RBM33: variants seen among roughly 807,000 people sequenced by gnomAD.
The protein encoded by RBM33 is RNA binding motif protein 33.
A neutral mutation model predicts 132.6 loss-of-function variants in RBM33; 28 were observed. That is an observed-to-expected ratio of 0.21 (90% CI 0.16 to 0.29). RBM33 has a LOEUF of 0.29. Among genes scored for constraint, RBM33 ranks in the 10% least tolerant of loss-of-function variants. The pLI, the probability that RBM33 is intolerant of heterozygous loss-of-function variation, is 1.00. For missense variants in RBM33, 1,291 were observed against 1,518.5 expected (o/e 0.85, Z 2.49); for synonymous variants, 634 against 593.0 (o/e 1.07, Z -1.01).
chr7:155,660,755 T>C (rs1193459701), intron 1 of RBM33, among the ~76,000 whole-genome samples: 1 of 152,234 alleles, frequency 6.6e-6, no homozygotes, highest in Non-Finnish European at 1.5e-5. Context: ...TGTTGAGCCT[T>C]CTGGATGTAT....
chr7:155,710,910 T>A (rs1800265742), intron 7 of RBM33, among the ~76,000 whole-genome samples: 1 of 15,626 alleles, frequency 6.4e-5, no homozygotes, highest in Non-Finnish European at 1.8e-4. Flanking sequence ...TGAACTGAAT[T>A]TTTTTTTTTT....
chr7:155,673,776 A>AGTG (rs1799069276), intron 3 of RBM33, among the ~76,000 whole-genome samples: 2 of 144,072 alleles, frequency 1.4e-5, no homozygotes, highest in African/African-American at 5.4e-5. Flanking sequence ...GCGCACACAC[A>AGTG]CACACACACA....
intron 13 of RBM33, among the ~76,000 whole-genome samples, chr7:155,742,435 C>A (rs958342353): frequency 6.6e-6 from 1 of 152,136 alleles, no homozygotes; most frequent in African/African-American, 2.4e-5. Context: ...GTCATAATTA[C>A]CCTTCTCCGC....
intron 6 of RBM33, among the ~76,000 whole-genome samples, chr7:155,701,775 C>T (rs1193747611): frequency 6.6e-6 from 1 of 152,092 alleles, no homozygotes; most frequent in Admixed American, 6.5e-5. Context: ...GCAACCACCG[C>T]CTCCCAGGTT....
At chr7:155,667,843 T>G (rs993938754) in intron 2 of RBM33, among the ~76,000 whole-genome samples, 8 of 152,168 alleles carry the variant, frequency 5.3e-5, no homozygotes, top group African/African-American at 1.7e-4. Flanking sequence ...ATTGATTGAT[T>G]TTTAGTTACT....
intron 9 of RBM33, among the ~76,000 whole-genome samples, chr7:155,722,892 A>G (rs367616759): frequency 2.0e-5 from 3 of 152,338 alleles, no homozygotes; most frequent in South Asian, 2.1e-4. Flanking sequence ...GCAAATAGTG[A>G]TATTTCAGTT....
At chr7:155,751,434 T>G (rs1292642737) in intron 14 of RBM33, among the ~76,000 whole-genome samples, 1 of 152,258 alleles carries the variant, frequency 6.6e-6, no homozygotes, top group African/African-American at 2.4e-5. Context: ...TATTCAGATT[T>G]TATTCACTGG....
At chr7:155,657,704 G>A (rs929980227) in intron 1 of RBM33, among the ~76,000 whole-genome samples, 1 of 152,108 alleles carries the variant, frequency 6.6e-6, no homozygotes, top group African/African-American at 2.4e-5. Context: ...TGTCTGCCAT[G>A]GATGATTGTG....
Position 155,745,544 on chromosome 7 carries a change from G to A in RBM33, c.2921G>A (p.Gly974Asp). Residue 974 changes from glycine (G) to aspartate (D), a missense_variant, in exon 14 of 18, where the codon GGT (glycine) becomes GAT (aspartate). Transcript: ENST00000401878. This position sits in a 1 kb window ranked among gnomAD's most constrained non-coding sequence, Gnocchi z 4.1. ...KRTVTHRTNSGGGDGPHISSK... is the reference protein window; with the variant it reads ...KRTVTHRTNSDGGDGPHISSK... ...ACTGTCACGCACAGGACAAACAGTG[G>A]TGGTGGAGACGGGCCCCACATCAGC... The A allele has an allele frequency of 2.5e-6, 4 of 1,611,214 alleles. No individual in the cohort carries two copies. Among genetic ancestry groups the A allele is most frequent in the Non-Finnish European group, 2.5e-6 (3 of 1,178,620 alleles).
intron 3 of RBM33, among the ~76,000 whole-genome samples, chr7:155,675,901 TA>T (rs1799172125): frequency 6.6e-6 from 1 of 152,226 alleles, no homozygotes; most frequent in Non-Finnish European, 1.5e-5. Flanking sequence ...TACTACTTTT[TA>T]AAAAGAATCT....
chr7:155,695,009 C>T (rs1799751974), intron 5 of RBM33, among the ~76,000 whole-genome samples: 2 of 152,088 alleles, frequency 1.3e-5, no homozygotes, highest in South Asian at 2.1e-4. Flanking sequence ...ATTTGGCACT[C>T]CCACCGGTAC....
At chr7:155,720,456 A>G (rs1046207343) in intron 9 of RBM33, among the ~76,000 whole-genome samples, 2 of 152,146 alleles carry the variant, frequency 1.3e-5, no homozygotes, top group African/African-American at 2.4e-5. Context: ...ACTCTAGGCT[A>G]CCTCTCGTTG....
intron 1 of RBM33, among the ~76,000 whole-genome samples, chr7:155,659,550 A>C (rs1276179464): frequency 1.3e-5 from 2 of 152,168 alleles, no homozygotes; most frequent in African/African-American, 4.8e-5. Context: ...GGAAGAGCAG[A>C]ACGACAAAAC....
At chr7:155,707,109 A>G in intron 7 of RBM33, 41 bp downstream of exon 7, 1 of 1,466,674 alleles carries the variant, frequency 6.8e-7, no homozygotes, top group Non-Finnish European at 9.3e-7. Flanking sequence ...GAACTTCAGA[A>G]CAAATGGCAG....
intron 14 of RBM33, among the ~76,000 whole-genome samples, chr7:155,762,910 G>A (rs970835670): frequency 6.6e-6 from 1 of 152,152 alleles, no homozygotes; most frequent in African/African-American, 2.4e-5. Context: ...TCATCAGGGC[G>A]GTGTCTGCCG....
intron 1 of RBM33, among the ~76,000 whole-genome samples, chr7:155,664,403 G>A (rs1299345037): frequency 6.6e-6 from 1 of 151,666 alleles, no homozygotes; most frequent in African/African-American, 2.4e-5. Context: ...TGGGACTACG[G>A]ACGTGCACCT....
Position 155,700,856 on chromosome 7 carries a change from A to G in RBM33, c.651A>G (p.Arg217=). The G allele has an allele frequency of 1.2e-6, 2 of 1,610,440 alleles. No individual in the cohort carries two copies. Among genetic ancestry groups the G allele is most frequent in the South Asian group, 1.1e-5 (1 of 90,006 alleles). The change falls in exon 6 of 18, where the codon CGA becomes CGG. Residue 217 remains arginine, a synonymous_variant. Transcript: ENST00000401878. The part of the protein sequence containing the change: ...EEEEDDEESG[R]LRFKTERKEG... ...AAGAAGATGATGAAGAATCTGGACGATTACGTTTCAAAACTGAAAGGAAAG... is the reference window on the plus strand; with the variant it reads ...AAGAAGATGATGAAGAATCTGGACGGTTACGTTTCAAAACTGAAAGGAAAG...
chr7:155,712,485 T>A (rs980137454), intron 8 of RBM33, among the ~76,000 whole-genome samples: 1 of 152,198 alleles, frequency 6.6e-6, no homozygotes, highest in Non-Finnish European at 1.5e-5. Flanking sequence ...GCAGTAAACA[T>A]AAGTATTTTA....
Position 155,748,233 on chromosome 7 carries a change from C to G in RBM33, c.2979+2631C>G, listed in dbSNP as rs182207784. ...GTTCGCGTTTCCCATTTTTTCTAAC[C>G]TATACTATATCCTAACCTAAATTAC... On this transcript the variant is annotated intron_variant, in intron 14 of 17. Coordinates refer to ENST00000401878, the MANE Select transcript of RBM33 (RefSeq NM_053043.3). Among the ~76,000 whole-genome samples, 623 of 152,330 alleles carry G rather than the reference C, an allele frequency of 4.1e-3. 5 individuals are homozygous for G. The highest frequency in any genetic ancestry group is 0.015 in the African/African-American group (610 of 41,574).
Sources: allele counts gnomAD v4.1 joint callset (sites outside exome capture counted in the v4.1 genomes callset), GRCh38; gene constraint gnomAD v4.1.1; non-coding constraint Gnocchi (gnomAD v3.1); transcripts MANE v1.5; gene names NCBI Gene and HGNC (gene_info 2026-07-23, HGNC 2026-07-21).